Variants in MORN3 observed in about 807,000 individuals in gnomAD.
MORN3 encodes the protein MORN repeat-containing protein 3.
Under a neutral mutation model 34.7 loss-of-function variants are expected in MORN3, and 38 were observed. The ratio of observed to expected loss-of-function variants is 1.10; its 90% CI spans 0.85 to 1.44. The LOEUF is 1.44. MORN3 is among the 40% of genes most tolerant of loss of function. MORN3 has a pLI of 0.00. For synonymous variants in MORN3, 109 were observed against 115.3 expected (o/e 0.95, Z 0.35); for missense variants, 311 against 321.7 (o/e 0.97, Z 0.25).
intron 2 of MORN3, among the ~76,000 whole-genome samples, chr12:121,658,967 C>T (rs977324830): frequency 1.3e-5 from 2 of 152,084 alleles, no homozygotes; most frequent in African/African-American, 4.8e-5. Flanking sequence ...TTCGTGGGCT[C>T]CTCCCTGGCC....
chr12:121,663,749 G>GT (rs1893655928), intron 1 of MORN3, among the ~76,000 whole-genome samples: 1 of 150,670 alleles, frequency 6.6e-6, no homozygotes, highest in African/African-American at 2.5e-5. Flanking sequence ...AGCCTTTATT[G>GT]GTTTTTTTTA....
chr12:121,661,596 G>T (rs1893584451), intron 1 of MORN3, among the ~76,000 whole-genome samples: 1 of 152,088 alleles, frequency 6.6e-6, no homozygotes, highest in Non-Finnish European at 1.5e-5. Flanking sequence ...TTATGGGGGG[G>T]CTGGGCGCAG....
intron 3 of MORN3, 121 bp downstream of exon 3, chr12:121,654,153 A>G: frequency 1.3e-6 from 1 of 743,484 alleles, no homozygotes; most frequent in Non-Finnish European, 2.1e-6. Flanking sequence ...CATTGACACA[A>G]GGGTCAGTGT....
chr12:121,659,337 G>C lies in MORN3; in HGVS notation c.157C>G (p.Gln53Glu). 6.2e-7 allele frequency: 1 copy of C among 1,613,816 alleles called. No homozygotes were observed. The highest frequency in any genetic ancestry group is 8.5e-7 in the Non-Finnish European group (1 of 1,179,942). The part of the protein sequence containing the change: ...KDNVKHGKGT[Q>E]VWKKKGAIYE... ...ATGGCTCCTTTCTTCTTCCAGACCTGTGTTCCTTTCCCTGGTGACACACAG... is the reference window on the plus strand; with the variant it reads ...ATGGCTCCTTTCTTCTTCCAGACCTCTGTTCCTTTCCCTGGTGACACACAG... The change falls in exon 2 of 6, where the codon CAG becomes GAG. Residue 53 changes from glutamine (Q) to glutamate (E), a missense_variant. Gln to Glu is a conservative substitution (Grantham distance 29). Coordinates refer to ENST00000355329, the MANE Select transcript of MORN3 (RefSeq NM_173855.5).
chr12:121,661,918 AGGAAGGAAGGAAG>A (rs1893596737), intron 1 of MORN3, among the ~76,000 whole-genome samples: 1 of 151,434 alleles, frequency 6.6e-6, no homozygotes, highest in Admixed American at 6.6e-5. Flanking sequence ...GGAGGAAGGG[AGGAAGGAAGGAAG>A]GGAAGAAAGA....
rs981464474 is a variant in MORN3, at chr12:121,669,552, C to T, written c.-69G>A. ...GGGACATCTGGGGCTCAGCGCGCCC[C>T]GTGTAATGCCGGGATCCTGAGCTCA... On this transcript the variant is annotated 5_prime_UTR_variant, in exon 1 of 6. Transcript: ENST00000355329. 57 of 1,589,210 alleles carry T rather than the reference C, an allele frequency of 3.6e-5. No homozygotes were observed. The highest frequency in any genetic ancestry group is 4.6e-5 in the East Asian group (2 of 43,376).
At chr12:121,657,490 G>A (rs900417966) in intron 2 of MORN3, among the ~76,000 whole-genome samples, 10 of 151,700 alleles carry the variant, frequency 6.6e-5, no homozygotes, top group African/African-American at 2.4e-4. Context: ...CAATCAGCAC[G>A]CCTGGCTTAC....
intron 1 of MORN3, among the ~76,000 whole-genome samples, chr12:121,668,097 T>G (rs1340355617): frequency 2.6e-5 from 4 of 151,058 alleles, no homozygotes; most frequent in African/African-American, 9.7e-5. Flanking sequence ...CTTGAACTCC[T>G]GACCTCAGGT....
chr12:121,670,590 C>T (rs1893930473), upstream of MORN3, among the ~76,000 whole-genome samples: 1 of 151,484 alleles, frequency 6.6e-6, no homozygotes. Context: ...GGGTGGATCA[C>T]CTGAGGTCAG....
At chr12:121,671,215 G>T (rs993520678), upstream of MORN3, among the ~76,000 whole-genome samples, 10 of 149,992 alleles carry the variant, frequency 6.7e-5, no homozygotes, top group African/African-American at 2.5e-4. Flanking sequence ...AGACCATCCT[G>T]ACTAACATGG....
rs75012409 is a variant in MORN3, at chr12:121,668,847, C to T, written c.145+492G>A. Among the ~76,000 whole-genome samples, 163 of 152,242 alleles carry T rather than the reference C, an allele frequency of 1.1e-3. 1 individual carries two copies. In the East Asian group the frequency reaches 0.029, roughly 27 times the overall value. On this transcript the variant is annotated intron_variant, in intron 1 of 5. Coordinates refer to ENST00000355329, the MANE Select transcript of MORN3 (RefSeq NM_173855.5). ...CAGGATTTAGTTTGTATCAACAGGA[C>T]CCCTTTGCCCCCTGCTGGTCAGACT...
chr12:121,655,444 T>C (rs1555325594), intron 2 of MORN3, among the ~76,000 whole-genome samples: 2 of 151,812 alleles, frequency 1.3e-5, no homozygotes, highest in Non-Finnish European at 2.9e-5. Flanking sequence ...GCGTGGTGGC[T>C]TACGCCTATA....
At chr12:121,668,771 A>C (rs543894379) in intron 1 of MORN3, among the ~76,000 whole-genome samples, 7 of 152,256 alleles carry the variant, frequency 4.6e-5, no homozygotes, top group African/African-American at 1.7e-4. Flanking sequence ...AGTGAGCAGC[A>C]GTGCCACATT....
At chr12:121,654,826 G>C (rs1893367711) in intron 2 of MORN3, among the ~76,000 whole-genome samples, 1 of 151,712 alleles carries the variant, frequency 6.6e-6, no homozygotes, top group Admixed American at 6.6e-5. Context: ...TTGAACTCCT[G>C]ACTTCAAGTG....
At chr12:121,659,139 A>ACG (rs1893502479) in intron 2 of MORN3, 52 bp downstream of exon 2, 1 of 215,186 alleles carries the variant, frequency 4.6e-6, no homozygotes, top group Admixed American at 1.3e-4. Context: ...ACACGCGCGC[A>ACG]CACACACACA....
At chr12:121,671,650 G>A (rs1193212986), upstream of MORN3, among the ~76,000 whole-genome samples, 2 of 151,960 alleles carry the variant, frequency 1.3e-5, no homozygotes, top group African/African-American at 2.4e-5. Context: ...GGGAGGCCGA[G>A]GTGGGCAGAT....
rs1893304941 is a variant in MORN3, at chr12:121,653,226, C to G, written c.497G>C (p.Arg166Thr). 2 of 1,614,178 alleles carry G rather than the reference C, an allele frequency of 1.2e-6. No homozygotes were observed. The highest frequency in any genetic ancestry group is 1.7e-6 in the Non-Finnish European group (2 of 1,180,032). Residue 166 changes from arginine to threonine, a missense_variant, in exon 4 of 6, where the codon AGA (arginine) becomes ACA (threonine). Transcript: ENST00000355329. Reference sequence around the variant, plus strand: ...ACGCCCCGCCCCGTTCTTCATGCCTCTCTCCCAGCAGCCCTCGTAGCGGTT... The same window carrying G: ...ACGCCCCGCCCCGTTCTTCATGCCTGTCTCCCAGCAGCCCTCGTAGCGGTT... ...NGNRYEGCWE[R>T]GMKNGAGRFF...
At chr12:121,665,156 AG>A (rs942248642) in intron 1 of MORN3, among the ~76,000 whole-genome samples, 40 of 151,282 alleles carry the variant, frequency 2.6e-4, no homozygotes, top group African/African-American at 7.5e-4. Flanking sequence ...CAGTCGAGTT[AG>A]GGGTTGATAC....
chr12:121,669,731 C>T (rs1893890409), upstream of MORN3: 2 of 384,450 alleles, frequency 5.2e-6, no homozygotes, highest in South Asian at 2.7e-5. Flanking sequence ...ACTTGGGAAT[C>T]TAGGGAAACC....
Sources: gnomAD v4.1 joint callset for allele counts (sites outside exome capture counted in the v4.1 genomes callset) on GRCh38, gnomAD v4.1.1 for gene constraint, MANE v1.5 for transcripts, NCBI Gene and HGNC (gene_info 2026-07-23, HGNC 2026-07-21) for gene names.